CDH26: variants seen among roughly 807,000 people sequenced by gnomAD.
CDH26 encodes cadherin 26.
A neutral mutation model predicts 90.3 loss-of-function variants in CDH26; 83 were observed. That is an observed-to-expected ratio of 0.92 (90% confidence interval 0.77 to 1.10). The LOEUF (loss-of-function observed/expected upper bound fraction) is 1.10, where lower values mean the gene tolerates loss of function less well. Among genes scored for constraint, CDH26 ranks in the 50% least tolerant of loss-of-function variants. The probability of loss-of-function intolerance (pLI) is 0.00; values close to 1 mark genes in which losing one functional copy is unlikely to be tolerated. For missense variants in CDH26, 1,013 were observed against 1,037.6 expected, an observed-to-expected ratio of 0.98 and a Z score of 0.33; for synonymous variants, 397 against 396.3, an observed-to-expected ratio of 1.00 and a Z score of -0.02.
At chr20:60,017,185 G>T (rs1203093174), downstream of CDH26, among the ~76,000 whole-genome samples, 1 of 151,888 alleles carries the variant, frequency 6.6e-6, no homozygotes, top group Admixed American at 6.6e-5. Flanking sequence ...GAGAAAAGTT[G>T]GTATTAATAC....
At chr20:60,011,165 C>T (rs1197814098) in intron 17 of CDH26, among the ~76,000 whole-genome samples, 2 of 152,174 alleles carry the variant, frequency 1.3e-5, no homozygotes, top group African/African-American at 4.8e-5. Context: ...AGAAATACTG[C>T]CGAGCATTTG....
At chr20:60,000,340 G>T (rs141757198) in intron 14 of CDH26, among the ~76,000 whole-genome samples, 447 of 152,300 alleles carry the variant, frequency 2.9e-3, no homozygotes, top group African/African-American at 0.01. Flanking sequence ...TAACTAGTAG[G>T]TGTCCCCTAC....
At position 59,968,999 on chromosome 20, in the gene CDH26, AGAT is replaced by A. The variant is rs773379834; in HGVS notation, c.106_108del (p.Asp36del). The A allele has an allele frequency of 1.6e-4, 247 of 1,593,036 alleles. No individual in the cohort carries two copies. Among genetic ancestry groups the A allele is most frequent in the Non-Finnish European group, 2.1e-4 (239 of 1,161,920 alleles). On this transcript the variant is annotated inframe_deletion, in exon 2 of 18. Transcript: ENST00000348616. Reference sequence around the variant, plus strand: ...TCATTGACAGTGTTCAACAGGAAACAGATGATCTTACTAAGCAAACAAAGGTGA... The same window carrying A: ...TCATTGACAGTGTTCAACAGGAAACAGATCTTACTAAGCAAACAAAGGTGA...
chr20:59,992,478 A>C lies in CDH26; in HGVS notation c.1384A>C (p.Asn462His), dbSNP rs1368728361. 6.2e-7 allele frequency: 1 copy of C among 1,614,122 alleles called. No individual in the cohort carries two copies. Among genetic ancestry groups the C allele is most frequent in the Admixed American group, 1.7e-5 (1 of 60,016 alleles). ...EPIDRESPHVNNSFYVIIIHA... is the reference protein window; with the variant it reads ...EPIDRESPHVHNSFYVIIIHA... ...AATTGACCGAGAATCCCCTCATGTA[A>C]ATAACAGTTTTTATGTAATCATCAT... The change falls in exon 10 of 18, where the codon AAT becomes CAT. Residue 462 changes from asparagine to histidine, a missense_variant. Transcript: ENST00000348616. The surrounding 1 kb of genome is among the most constrained non-coding windows in gnomAD (Gnocchi z 5.0).
At chr20:59,968,339 C>T (rs1407941412) in intron 1 of CDH26, among the ~76,000 whole-genome samples, 1 of 152,052 alleles carries the variant, frequency 6.6e-6, no homozygotes, top group African/African-American at 2.4e-5. Context: ...TCAGGTCATC[C>T]ACCTGCCTTG....
chr20:59,996,732 A>G lies in CDH26; in HGVS notation c.1990A>G (p.Asn664Asp). 6.2e-7 allele frequency: 1 copy of G among 1,614,254 alleles called. No individual in the cohort carries two copies. Among genetic ancestry groups the G allele is most frequent in the Non-Finnish European group, 8.5e-7 (1 of 1,180,038 alleles). The part of the protein sequence containing the change: ...DEGHQTLVMY[N>D]AESKGTSAQT... ...AGGCCACCAAACACTGGTCATGTAT[A>G]ATGCGGAGAGCAAAGGCACTTCAGC... Residue 664 changes from asparagine (N) to aspartate (D), a missense_variant, in exon 13 of 18, where the codon AAT (asparagine) becomes GAT (aspartate). Coordinates refer to ENST00000348616, the MANE Select transcript of CDH26 (RefSeq NM_177980.4).
chr20:60,015,529 C>A (rs965402697), downstream of CDH26, among the ~76,000 whole-genome samples: 1 of 152,154 alleles, frequency 6.6e-6, no homozygotes, highest in African/African-American at 2.4e-5. Flanking sequence ...AGATAATAAC[C>A]CCTTATTGGA....
intron 7 of CDH26, among the ~76,000 whole-genome samples, chr20:60,027,712 G>A (rs1344053382): frequency 2.6e-5 from 4 of 152,210 alleles, no homozygotes; most frequent in Non-Finnish European, 4.4e-5. Flanking sequence ...CTGCAGTGAT[G>A]AAAATGGTCG....
In CDH26 at chr20:59,990,112, C is replaced by A. The variant is rs375426628; in HGVS notation, c.1283+949C>A. The stretch of plus-strand genomic sequence containing the variant: ...AGGTCATCAAAGCAGAATCATACAA[C>A]ATTTGTCTTTAGGTGACTGGCTTAT... On this transcript the variant is annotated intron_variant, in intron 9 of 17. Coordinates refer to ENST00000348616, the MANE Select transcript of CDH26 (RefSeq NM_177980.4). 2.1e-4 allele frequency among the ~76,000 whole-genome samples: 32 copies of A among 152,302 alleles called. No individual in the cohort carries two copies. In the East Asian group the frequency reaches 6.0e-3, roughly 28 times the overall value.
intron 1 of CDH26, among the ~76,000 whole-genome samples, chr20:59,960,356 G>A (rs144416893): frequency 2.6e-4 from 39 of 152,094 alleles, no homozygotes; most frequent in African/African-American, 7.7e-4. Flanking sequence ...TTGGTACTGC[G>A]AAAGTTGTCA....
chr20:59,987,621 A>T lies in CDH26; in HGVS notation c.1006A>T (p.Ile336Leu). Residue 336 changes from isoleucine to leucine, a missense_variant, in exon 8 of 18, where the codon ATA becomes TTA. Transcript: ENST00000348616. ...ISTDPETNEG[I>L]LNVIKPLDYE... ...GACTGACCCTGAGACCAACGAAGGG[A>T]TATTAAATGTTATCAAGGTAACACC... is the stretch of plus-strand genomic sequence containing the variant. 1 of 1,612,588 alleles carries T rather than the reference A, an allele frequency of 6.2e-7. No homozygotes were observed.
At chr20:59,971,907 A>G in intron 3 of CDH26, 55 bp from the exon 4 acceptor site, 3 of 1,425,260 alleles carry the variant, frequency 2.1e-6, no homozygotes, top group African/African-American at 1.4e-5. Flanking sequence ...CTTGATTATC[A>G]TAGTGGCTTA....
chr20:60,032,640 C>A (rs1239290979), intron 8 of CDH26, among the ~76,000 whole-genome samples: 1 of 151,966 alleles, frequency 6.6e-6, no homozygotes, highest in African/African-American at 2.4e-5. Context: ...AAATGTGGCA[C>A]ATATACACCA....
intron 7 of CDH26, among the ~76,000 whole-genome samples, chr20:60,028,427 C>T (rs767203744): frequency 9.2e-5 from 14 of 152,318 alleles, no homozygotes; most frequent in Admixed American, 7.2e-4. Context: ...CAGGGCCTGA[C>T]ATGTAGTAGG....
At chr20:60,011,798 C>T (rs2061846818) in intron 17 of CDH26, among the ~76,000 whole-genome samples, 1 of 152,064 alleles carries the variant, frequency 6.6e-6, no homozygotes, top group African/African-American at 2.4e-5. Flanking sequence ...TGGGCAAAAC[C>T]ACAGTGGTTT....
intron 8 of CDH26, among the ~76,000 whole-genome samples, chr20:60,031,692 G>C (rs2122801693): frequency 6.6e-6 from 1 of 152,358 alleles, no homozygotes; most frequent in South Asian, 2.1e-4. Flanking sequence ...CTGGGAGAGA[G>C]TTGGGGGGCC....
chr20:59,987,199 T>G (rs953403158), intron 7 of CDH26, among the ~76,000 whole-genome samples: 3 of 152,138 alleles, frequency 2.0e-5, no homozygotes, highest in African/African-American at 7.2e-5. Context: ...ACTTTAAGAA[T>G]TATTTAGCGA....
At chr20:59,960,543 G>C (rs7266649) in intron 1 of CDH26, among the ~76,000 whole-genome samples, 6,400 of 152,218 alleles carry the variant, frequency 0.042, 204 homozygotes, top group Non-Finnish European at 0.056. Context: ...CACAAAGGCC[G>C]TTAAAACCTT....
At chr20:60,015,263 G>A (rs2061895525), downstream of CDH26, among the ~76,000 whole-genome samples, 1 of 152,188 alleles carries the variant, frequency 6.6e-6, no homozygotes, top group Non-Finnish European at 1.5e-5. Context: ...TGGGATTAAA[G>A]GTGTGAGCCA....
Sources: gnomAD v4.1 joint callset for allele counts (sites outside exome capture counted in the v4.1 genomes callset) on GRCh38, gnomAD v4.1.1 for gene constraint, Gnocchi (gnomAD v3.1) non-coding constraint, MANE v1.5 for transcripts, NCBI Gene and HGNC (gene_info 2026-07-23, HGNC 2026-07-21) for gene names.